Variants in CCDC30 observed in about 807,000 individuals in gnomAD.
CCDC30 encodes the protein coiled-coil domain-containing protein 30.
CCDC30 carries 70 observed loss-of-function variants against 100.2 expected under a neutral mutation model. The ratio of observed to expected loss-of-function variants is 0.70; its 90% confidence interval spans 0.58 to 0.85. CCDC30 has a LOEUF of 0.85. Ranked by LOEUF, CCDC30 falls within the 40% of genes least tolerant of loss-of-function variation. The pLI is 0.00. For synonymous variants in CCDC30, 233 were observed against 269.5 expected, an observed-to-expected ratio of 0.86 and a Z score of 1.33; for missense variants, 652 against 771.2, an observed-to-expected ratio of 0.85 and a Z score of 1.83.
intron 6 of CCDC30, among the ~76,000 whole-genome samples, chr1:42,508,834 C>G (rs1256744100): frequency 2.0e-5 from 3 of 151,952 alleles, no homozygotes; most frequent in Admixed American, 6.6e-5. Flanking sequence ...GAAAAAAGCC[C>G]TTTTTCAAAA....
At chr1:42,609,899 C>G (rs894178630) in intron 10 of CCDC30, among the ~76,000 whole-genome samples, 1 of 152,114 alleles carries the variant, frequency 6.6e-6, no homozygotes, top group African/African-American at 2.4e-5. Context: ...ACCTAGCAAG[C>G]CTGTGAAATC....
chr1:42,623,655 G>A (rs1253440204), intron 11 of CCDC30, among the ~76,000 whole-genome samples: 2 of 152,136 alleles, frequency 1.3e-5, no homozygotes, highest in Non-Finnish European at 2.9e-5. Context: ...ATAATTTGAA[G>A]GCACGTAATG....
intron 6 of CCDC30, among the ~76,000 whole-genome samples, chr1:42,559,554 T>C (rs1645443433): frequency 6.6e-6 from 1 of 152,130 alleles, no homozygotes; most frequent in Admixed American, 6.5e-5. Flanking sequence ...AGAAGGGCAT[T>C]ACAAAATGGT....
exon 5 of CCDC30, chr1:42,497,129 A>T (rs3748841): frequency 0.15 from 190,135 of 1,232,682 alleles, 15,020 homozygotes; most frequent in East Asian, 0.17. Flanking sequence ...CAAAGGAACA[A>T]AATCAGAGAC....
intron 3 of CCDC30, among the ~76,000 whole-genome samples, chr1:42,484,058 G>C (rs1397213130): frequency 1.5e-5 from 2 of 130,220 alleles, no homozygotes; most frequent in Admixed American, 7.9e-5. Flanking sequence ...GGTTACTTTA[G>C]AATCATAAAC....
intron 6 of CCDC30, 145 bp from the exon 11 acceptor site, chr1:42,566,146 AAGAGT>A: frequency 1.7e-6 from 1 of 598,226 alleles, no homozygotes; most frequent in Non-Finnish European, 3.0e-6. Context: ...ATAAATGTAA[AAGAGT>A]AGTTTGCTGT....
intron 15 of CCDC30, among the ~76,000 whole-genome samples, chr1:42,650,490 A>T (rs1028765209): frequency 3.4e-4 from 44 of 130,010 alleles, no homozygotes; most frequent in Non-Finnish European, 4.4e-4. Context: ...TGTCTAAAAA[A>T]ATATATATGT....
intron 3 of CCDC30, 67 bp downstream of exon 3, chr1:42,482,883 GAACATGAGAAAAAAAA>G: frequency 1.0e-6 from 1 of 977,450 alleles, no homozygotes; most frequent in Non-Finnish European, 1.3e-6. Flanking sequence ...TCTCAGGGTG[GAACATGAGAAAAAAAA>G]AAAACACTGA....
At chr1:42,502,674 T>C (rs1262639816) in intron 6 of CCDC30, among the ~76,000 whole-genome samples, 2 of 152,168 alleles carry the variant, frequency 1.3e-5, no homozygotes, top group African/African-American at 2.4e-5. Flanking sequence ...TATCCATTAG[T>C]ATCCATTTCT....
intron 13 of CCDC30, 36 bp from the exon 18 acceptor site, chr1:42,644,657 A>G: frequency 7.8e-7 from 1 of 1,289,364 alleles, no homozygotes; most frequent in Admixed American, 1.7e-5. Flanking sequence ...TGATACAGAA[A>G]TCTCTAATCA....
chr1:42,520,276 G>A (rs1180602931), intron 6 of CCDC30, among the ~76,000 whole-genome samples: 1 of 146,672 alleles, frequency 6.8e-6, no homozygotes, highest in African/African-American at 2.4e-5. Flanking sequence ...TTCTGTATCT[G>A]TAAGTTTTGG....
At chr1:42,491,161 C>T (rs954088313) in intron 4 of CCDC30, among the ~76,000 whole-genome samples, 1 of 151,864 alleles carries the variant, frequency 6.6e-6, no homozygotes, top group African/African-American at 2.4e-5. Flanking sequence ...ATTAATAGTA[C>T]AAGTAAACAG....
intron 6 of CCDC30, 131 bp downstream of exon 6, chr1:42,499,047 G>A (rs1644268627): frequency 2.4e-6 from 1 of 424,624 alleles, no homozygotes; most frequent in East Asian, 3.6e-5. Flanking sequence ...CTAATGCTCA[G>A]CTAATTAGAG....
downstream of CCDC30, among the ~76,000 whole-genome samples, chr1:42,655,145 C>T (rs1261992636): frequency 6.6e-6 from 1 of 152,182 alleles, no homozygotes; most frequent in Admixed American, 6.5e-5. Context: ...GAAACATTTT[C>T]AATCGCCATA....
intron 6 of CCDC30, among the ~76,000 whole-genome samples, chr1:42,548,742 G>A (rs1241093955): frequency 6.6e-6 from 1 of 152,166 alleles, no homozygotes; most frequent in Non-Finnish European, 1.5e-5. Context: ...GCATTCATGG[G>A]TGGTCTCTAT....
At chr1:42,594,311 C>T (rs1300768401) in intron 10 of CCDC30, 1 of 152,274 alleles carries the variant, frequency 6.6e-6, no homozygotes, top group African/African-American at 2.4e-5. Flanking sequence ...GAGTTCGAGA[C>T]CAGCCTTGGC....
At chr1:42,549,552 C>T (rs4660644) in intron 6 of CCDC30, among the ~76,000 whole-genome samples, 149,175 of 152,242 alleles carry the variant, frequency 0.98, 73,152 homozygotes, top group East Asian at 1. Flanking sequence ...GCTGAAAAAT[C>T]GCTTAGGGCA....
At chr1:42,550,483 C>T (rs1645229490) in intron 6 of CCDC30, among the ~76,000 whole-genome samples, 1 of 152,186 alleles carries the variant, frequency 6.6e-6, no homozygotes, top group East Asian at 1.9e-4. Context: ...TACCTACCTC[C>T]TCCTCATCTT....
intron 10 of CCDC30, chr1:42,590,838 A>T (rs1378415959): frequency 6.6e-6 from 1 of 152,204 alleles, no homozygotes; most frequent in East Asian, 1.9e-4. Flanking sequence ...CAGCCTAGTG[A>T]GGTCTCAGAT....
Sources: allele counts gnomAD v4.1 joint callset (sites outside exome capture counted in the v4.1 genomes callset), GRCh38; gene constraint gnomAD v4.1.1; transcripts MANE v1.5; gene names NCBI Gene and HGNC (gene_info 2026-07-23, HGNC 2026-07-21).